Variants in PIGL observed in about 807,000 individuals in gnomAD.
PIGL encodes the protein phosphatidylinositol glycan anchor biosynthesis class L.
Under a neutral mutation model 31.1 loss-of-function variants are expected in PIGL, and 22 were observed. That is an observed-to-expected ratio of 0.71 (90% CI 0.51 to 1.01). The LOEUF is 1.01. PIGL is among the 50% of genes least tolerant of loss of function. PIGL has a pLI of 0.00. For missense variants in PIGL, 302 were observed against 315.9 expected (o/e 0.96, Z 0.33); for synonymous variants, 131 against 117.4 (o/e 1.12, Z -0.75).
chr17:16,273,265 A>G (rs1329732095), intron 2 of PIGL, among the ~76,000 whole-genome samples: 1 of 152,162 alleles, frequency 6.6e-6, no homozygotes, highest in Non-Finnish European at 1.5e-5. Context: ...CTGAGCTTTA[A>G]GAGACAAGTA....
chr17:16,279,238 A>G (rs986407301), intron 2 of PIGL, among the ~76,000 whole-genome samples: 2 of 152,254 alleles, frequency 1.3e-5, no homozygotes, highest in Non-Finnish European at 2.9e-5. Flanking sequence ...AGGCAAATCC[A>G]AAGAGTAAAG....
intron 6 of PIGL, among the ~76,000 whole-genome samples, chr17:16,318,717 G>A (rs1187853288): frequency 6.6e-6 from 1 of 151,836 alleles, no homozygotes; most frequent in East Asian, 2.0e-4. Flanking sequence ...CAGATCACGA[G>A]GTCAGGGGTT....
chr17:16,277,733 C>A (rs1332458750), intron 2 of PIGL, among the ~76,000 whole-genome samples: 2 of 152,104 alleles, frequency 1.3e-5, no homozygotes. Context: ...AGGACAAAGA[C>A]AAGACAACAA....
chr17:16,303,695 C>T (rs867773438), intron 3 of PIGL, among the ~76,000 whole-genome samples: 5 of 148,946 alleles, frequency 3.4e-5, no homozygotes, highest in East Asian at 3.9e-4. Context: ...CATGCCACCA[C>T]GCCCAGCTCA....
In PIGL at chr17:16,258,062, A is replaced by G. The variant is rs1010368177; in HGVS notation, c.335+23992A>G. On this transcript the variant is annotated intron_variant, in intron 2 of 6. Transcript: ENST00000225609. Reference sequence around the variant, plus strand: ...TGGGCCACAGGAGCAAAACTTTGTCAGAAAGAAAGAGAGAGAGAGAGAGAG... The same window carrying G: ...TGGGCCACAGGAGCAAAACTTTGTCGGAAAGAAAGAGAGAGAGAGAGAGAG... Among the ~76,000 whole-genome samples the G allele has an allele frequency of 3.5e-5, 3 of 84,658 alleles. No homozygotes were observed. The Admixed American group carries it at 3.8e-4, about 11-fold the overall frequency. 55.5% of individuals were successfully genotyped at this position (84,658 alleles called of 152,430 possible).
chr17:16,217,621 G>GCGACCA, intron 1 of PIGL, 160 bp downstream of exon 1: 5 of 577,212 alleles, frequency 8.7e-6, no homozygotes, highest in Non-Finnish European at 1.5e-5. Context: ...GACAGGAGCG[G>GCGACCA]CCGGCTTACC....
intron 2 of PIGL, among the ~76,000 whole-genome samples, chr17:16,276,162 A>G (rs143458424): frequency 9.3e-4 from 142 of 152,362 alleles, no homozygotes; most frequent in African/African-American, 3.4e-3. Context: ...AAAGAGTACA[A>G]CAGCAACACA....
At chr17:16,266,888 C>T (rs1009632113) in intron 2 of PIGL, among the ~76,000 whole-genome samples, 3 of 138,400 alleles carry the variant, frequency 2.2e-5, no homozygotes, top group South Asian at 2.4e-4. Flanking sequence ...TGAGCCACCA[C>T]GCCTTGCTCT....
At chr17:16,270,639 G>A (rs2092867523) in intron 2 of PIGL, among the ~76,000 whole-genome samples, 1 of 152,124 alleles carries the variant, frequency 6.6e-6, no homozygotes, top group African/African-American at 2.4e-5. Flanking sequence ...GCTCACGCCT[G>A]TAATCCCAGC....
chr17:16,264,600 A>G (rs1166729690), intron 2 of PIGL, among the ~76,000 whole-genome samples: 5 of 912 alleles, frequency 5.5e-3, no homozygotes, highest in African/African-American at 6.6e-3. Context: ...ACACATCGTC[A>G]TTATTATTAT....
intron 3 of PIGL, among the ~76,000 whole-genome samples, chr17:16,305,975 A>C (rs1271311840): frequency 6.6e-6 from 1 of 151,942 alleles, no homozygotes; most frequent in Admixed American, 6.6e-5. Context: ...TTTGAGATAG[A>C]GTCTCACTCT....
At chr17:16,290,743 C>T (rs564838809) in intron 2 of PIGL, among the ~76,000 whole-genome samples, 8 of 151,794 alleles carry the variant, frequency 5.3e-5, no homozygotes, top group East Asian at 1.9e-4. Context: ...TACAGTGGTG[C>T]GATCACAGCT....
rs540524299 is a variant in PIGL, at chr17:16,310,782, G to A, written c.427-2765G>A. On this transcript the variant is annotated intron_variant, in intron 3 of 6. Coordinates refer to ENST00000225609, the MANE Select transcript of PIGL (RefSeq NM_004278.4). ...ACTCCTGACCTCAAGTGATCTGCCC[G>A]CCTCAGTCTCCCAAAGGTCTTTTAC... is the stretch of plus-strand genomic sequence containing the variant. Among the ~76,000 whole-genome samples, 6 of 152,236 alleles carry A rather than the reference G, an allele frequency of 3.9e-5. 1 individual carries two copies. The South Asian group carries it at 6.2e-4, about 16-fold the overall frequency.
intron 2 of PIGL, among the ~76,000 whole-genome samples, chr17:16,274,375 CTTTG>C (rs777701082): frequency 6.6e-6 from 1 of 152,100 alleles, no homozygotes; most frequent in Non-Finnish European, 1.5e-5. Flanking sequence ...ACATAGGTCA[CTTTG>C]TTTGTTTGTT....
intron 3 of PIGL, among the ~76,000 whole-genome samples, chr17:16,303,028 A>C (rs1049127318): frequency 6.6e-5 from 10 of 151,994 alleles, no homozygotes; most frequent in Non-Finnish European, 1.3e-4. Flanking sequence ...GTTGCAGCTG[A>C]CCTTGACCCT....
chr17:16,257,815 A>G lies in PIGL; in HGVS notation c.335+23745A>G, dbSNP rs146998787. ...CACGGTGGCTTATGCCTGTAATCCC[A>G]GCACTTTGGGAGGCCAAGGCGGGCG... On this transcript the variant is annotated intron_variant, in intron 2 of 6. Coordinates refer to ENST00000225609, the MANE Select transcript of PIGL (RefSeq NM_004278.4). Among the ~76,000 whole-genome samples, 1,357 of 152,188 alleles carry G rather than the reference A, an allele frequency of 8.9e-3. 22 individuals are homozygous for G. The highest frequency in any genetic ancestry group is 0.031 in the African/African-American group (1,291 of 41,518).
At chr17:16,265,512 G>A (rs922188870) in intron 2 of PIGL, among the ~76,000 whole-genome samples, 4 of 152,098 alleles carry the variant, frequency 2.6e-5, no homozygotes, top group Non-Finnish European at 4.4e-5. Flanking sequence ...GGAGGCTGAG[G>A]TGGGCAGATC....
At chr17:16,238,765 C>T (rs2142695055) in intron 2 of PIGL, among the ~76,000 whole-genome samples, 1 of 150,096 alleles carries the variant, frequency 6.7e-6, no homozygotes, top group East Asian at 2.1e-4. Context: ...AAAAATTAGC[C>T]AGATGTGGTG....
intron 2 of PIGL, among the ~76,000 whole-genome samples, chr17:16,247,690 G>C (rs938764440): frequency 5.9e-5 from 9 of 152,196 alleles, no homozygotes; most frequent in African/African-American, 2.2e-4. Flanking sequence ...GACGACGCAT[G>C]TTTGCAGCCA....
Sources: allele counts gnomAD v4.1 joint callset (sites outside exome capture counted in the v4.1 genomes callset), GRCh38; gene constraint gnomAD v4.1.1; transcripts MANE v1.5; gene names NCBI Gene and HGNC (gene_info 2026-07-23, HGNC 2026-07-21).